Variants in GLI3 observed in about 807,000 individuals in gnomAD.
GLI3 encodes the protein transcription activator GLI3.
GLI3 carries 20 observed loss-of-function variants against 100.8 expected under a neutral mutation model. That is an observed-to-expected ratio of 0.20 (90% CI 0.14 to 0.29). GLI3 has a LOEUF of 0.29. GLI3 is among the 10% of genes least tolerant of loss of function. The pLI, the probability that GLI3 is intolerant of heterozygous loss-of-function variation, is 1.00. For synonymous variants in GLI3, 938 were observed against 860.5 expected (o/e 1.09, Z -1.58); for missense variants, 2,040 against 2,128.5 (o/e 0.96, Z 0.82).
At chr7:42,155,303 G>A (rs1430591841) in intron 2 of GLI3, among the ~76,000 whole-genome samples, 2 of 152,106 alleles carry the variant, frequency 1.3e-5, no homozygotes, top group Non-Finnish European at 2.9e-5. Flanking sequence ...GCCAGGTGTG[G>A]TGGCGCATGC....
rs190668284 is a variant in GLI3 at position 41,991,051 on chromosome 7, C to T, written c.1498-12303G>A. The stretch of plus-strand genomic sequence containing the variant: ...AGCTGACGCATTCATTCACTATTCA[C>T]TCAAAGCTTATTTATGATATGACAG... On this transcript the variant is annotated intron_variant, in intron 10 of 14. Transcript: ENST00000395925. Among the ~76,000 whole-genome samples, 159 of 152,288 alleles carry T rather than the reference C, an allele frequency of 1.0e-3. 2 individuals carry two copies. The highest frequency in any genetic ancestry group is 3.2e-3 in the Admixed American group (49 of 15,294).
chr7:42,020,668 C>T (rs917261610), intron 10 of GLI3, among the ~76,000 whole-genome samples: 2 of 152,206 alleles, frequency 1.3e-5, no homozygotes, highest in Non-Finnish European at 2.9e-5. Flanking sequence ...ACTGTTAATG[C>T]TTCCCTCTGT....
chr7:42,039,534 C>T (rs1334353162), intron 7 of GLI3, among the ~76,000 whole-genome samples: 1 of 152,170 alleles, frequency 6.6e-6, no homozygotes. Context: ...TCTATGCTTT[C>T]CAATGTCATC....
intron 1 of GLI3, among the ~76,000 whole-genome samples, chr7:42,250,023 A>G (rs1789015212): frequency 6.6e-6 from 1 of 152,024 alleles, no homozygotes; most frequent in African/African-American, 2.4e-5. Context: ...TGAATCCAGG[A>G]GGTCAAGGCT....
chr7:42,203,518 T>C (rs918730683), intron 2 of GLI3, among the ~76,000 whole-genome samples: 2 of 152,228 alleles, frequency 1.3e-5, no homozygotes, highest in African/African-American at 4.8e-5. Context: ...CTTGACATAA[T>C]GTCCTCCAGT....
At chr7:42,030,288 T>C (rs1789249369) in intron 7 of GLI3, among the ~76,000 whole-genome samples, 1 of 152,122 alleles carries the variant, frequency 6.6e-6, no homozygotes, top group Non-Finnish European at 1.5e-5. Flanking sequence ...TCGAGGATCA[T>C]CTTCTCATCT....
intron 4 of GLI3, among the ~76,000 whole-genome samples, chr7:42,075,041 C>T (rs1229262819): frequency 6.6e-6 from 1 of 151,986 alleles, no homozygotes; most frequent in Non-Finnish European, 1.5e-5. Context: ...GTTATCACCA[C>T]GGGCCAATGC....
At chr7:42,194,745 TTC>T (rs941766912) in intron 2 of GLI3, among the ~76,000 whole-genome samples, 1 of 142,218 alleles carries the variant, frequency 7.0e-6, no homozygotes, top group Non-Finnish European at 1.5e-5. Context: ...ATGCATCAAC[TTC>T]TCTCTCTGTC....
Position 41,983,307 on chromosome 7 carries a change from G to A in GLI3, c.1498-4559C>T, listed in dbSNP as rs12667146. Reference sequence around the variant, plus strand: ...GAAGGACTGAAAATCAGGATCCTGCGCTATAAAAGGTACCCCAACGAAGGG... The same window carrying A: ...GAAGGACTGAAAATCAGGATCCTGCACTATAAAAGGTACCCCAACGAAGGG... On this transcript the variant is annotated intron_variant, in intron 10 of 14. Coordinates refer to ENST00000395925, the MANE Select transcript of GLI3 (RefSeq NM_000168.6). Among the ~76,000 whole-genome samples, 18 of 152,178 alleles carry A rather than the reference G, an allele frequency of 1.2e-4. No homozygotes were observed. In the East Asian group the frequency reaches 2.7e-3, roughly 23 times the overall value.
intron 2 of GLI3, among the ~76,000 whole-genome samples, chr7:42,190,089 C>T (rs61061506): frequency 3.3e-5 from 5 of 149,282 alleles, no homozygotes; most frequent in African/African-American, 1.2e-4. Context: ...ATATTACCAA[C>T]AGTCATTTTA....
intron 5 of GLI3, among the ~76,000 whole-genome samples, chr7:42,047,848 G>A (rs1784275410): frequency 6.6e-6 from 1 of 152,230 alleles, no homozygotes; most frequent in Admixed American, 6.5e-5. Context: ...CCTGGACCAT[G>A]ATGTTTTCTA....
Position 41,965,218 on chromosome 7 carries a change from G to A in GLI3, c.3855C>T (p.Pro1285=), listed in dbSNP as rs751949088. Residue 1285 remains proline (P), a synonymous_variant, in exon 15 of 15, where the codon CCC becomes CCT. Coordinates refer to ENST00000395925, the MANE Select transcript of GLI3 (RefSeq NM_000168.6). The part of the protein sequence containing the change: ...GIQASKLKST[P]MQGSGGQLNF... ...TCAGCTGGCCCCCGCTCCCTTGCAT[G>A]GGGGTGCTCTTCAGCTTTGAGGCTT... 2 of 1,613,926 alleles carry A rather than the reference G, an allele frequency of 1.2e-6. No individual in the cohort carries two copies. The highest frequency in any genetic ancestry group is 2.2e-5 in the South Asian group (2 of 91,084).
At chr7:42,120,460 G>A (rs535121457) in intron 3 of GLI3, among the ~76,000 whole-genome samples, 2 of 152,304 alleles carry the variant, frequency 1.3e-5, no homozygotes, top group Admixed American at 1.3e-4. Context: ...GGAAGGTTTA[G>A]GCAGAGATTT....
intron 13 of GLI3, among the ~76,000 whole-genome samples, chr7:41,968,763 G>A (rs11977224): frequency 0.46 from 24,917 of 53,780 alleles, 5,655 homozygotes; most frequent in East Asian, 0.61. Context: ...AAAGAAAGAA[G>A]GAAAGAAAGA....
chr7:42,017,806 C>T (rs912279806), intron 10 of GLI3, among the ~76,000 whole-genome samples: 6 of 152,250 alleles, frequency 3.9e-5, no homozygotes, highest in African/African-American at 7.2e-5. Flanking sequence ...ATTCTCCTCC[C>T]CCACTCAACC....
rs559467293 is a variant in GLI3, at chr7:42,003,730, CTT to C, written c.1497+19736_1497+19737del. Among the ~76,000 whole-genome samples the C allele has an allele frequency of 6.8e-3, 1,041 of 152,284 alleles. 15 individuals carry two copies. Among genetic ancestry groups the C allele is most frequent in the African/African-American group, 0.024 (997 of 41,568 alleles). On this transcript the variant is annotated intron_variant, in intron 10 of 14. Transcript: ENST00000395925. ...CTCAAAAGGCTGTAGATCCAAACAG[CTT>C]TACCAGAATGTTATTTCAGAAATTC...
At chr7:42,070,029 G>C (rs1453148448) in intron 4 of GLI3, among the ~76,000 whole-genome samples, 1 of 152,158 alleles carries the variant, frequency 6.6e-6, no homozygotes, top group African/African-American at 2.4e-5. Context: ...TTCTAACATG[G>C]CTTCCCTTCT....
At chr7:42,009,868 G>A (rs1451716885) in intron 10 of GLI3, among the ~76,000 whole-genome samples, 1 of 152,130 alleles carries the variant, frequency 6.6e-6, no homozygotes, top group Non-Finnish European at 1.5e-5. Context: ...CCCGTTCCTG[G>A]ATCCCACAGC....
intron 10 of GLI3, among the ~76,000 whole-genome samples, chr7:42,017,991 G>T (rs544189997): frequency 6.6e-6 from 1 of 152,244 alleles, no homozygotes; most frequent in South Asian, 2.1e-4. Context: ...GTTCTAAGGG[G>T]TCAAATGGTT....
Sources: gnomAD v4.1 joint callset for allele counts (sites outside exome capture counted in the v4.1 genomes callset) on GRCh38, gnomAD v4.1.1 for gene constraint, MANE v1.5 for transcripts, NCBI Gene and HGNC (gene_info 2026-07-23, HGNC 2026-07-21) for gene names.